Variants in MTO1 observed in about 807,000 individuals in gnomAD.
MTO1 encodes mitochondrial tRNA translation optimization 1, also known as 5-taurinomethyluridine-[tRNA] synthase subunit MTO1, mitochondrial.
A neutral mutation model predicts 71.6 loss-of-function variants in MTO1; 46 were observed. The observed-to-expected ratio is 0.64, with a 90% CI of 0.51 to 0.82. MTO1 has a LOEUF of 0.82. Ranked by LOEUF, MTO1 falls within the 40% of genes least tolerant of loss-of-function variation. The pLI is 0.00. For missense variants in MTO1, 773 were observed against 867.5 expected, an observed-to-expected ratio of 0.89 and a Z score of 1.37; for synonymous variants, 297 against 312.1, an observed-to-expected ratio of 0.95 and a Z score of 0.51.
Position 73,482,035 on chromosome 6 carries a change from T to G in MTO1, c.1261-5T>G, listed in dbSNP as rs1275100093. On this transcript the variant is annotated splice_region_variant and splice_polypyrimidine_tract_variant and intron_variant, in intron 7 of 11. Coordinates refer to ENST00000498286, the MANE Select transcript of MTO1 (RefSeq NM_012123.4). ...GGCCTTTTAAACATTTCAGTGCTCT[T>G]GTAGGGTGTGATAGCCGGAATCAAC... is the stretch of plus-strand genomic sequence containing the variant. 4 of 1,614,022 alleles carry G rather than the reference T, an allele frequency of 2.5e-6. No individual in the cohort carries two copies. Among genetic ancestry groups the G allele is most frequent in the Non-Finnish European group, 3.4e-6 (4 of 1,180,024 alleles).
intron 4 of MTO1, among the ~76,000 whole-genome samples, chr6:73,478,244 CAA>C (rs34143098): frequency 5.9e-4 from 60 of 100,870 alleles, no homozygotes; most frequent in South Asian, 9.6e-4. Context: ...GACTCTGTCT[CAA>C]AAAAAAAAAA....
rs1772153932 is a variant in MTO1 at position 73,501,323 on chromosome 6, A to G, written c.*588A>G. ...TTTTGAACATTAATGAAAGCCCTAT[A>G]AAATAGAAAGATTGGAAATCACCAT... On this transcript the variant is annotated 3_prime_UTR_variant, in exon 12 of 12. Coordinates refer to ENST00000498286, the MANE Select transcript of MTO1 (RefSeq NM_012123.4). 2.0e-5 allele frequency: 3 copies of G among 152,228 alleles called. No individual in the cohort carries two copies. The highest frequency in any genetic ancestry group is 2.0e-4 in the Admixed American group (3 of 15,270). The allele number at this position is 152,228 out of a possible 1,614,324, so 9.4% of individuals were successfully genotyped here.
chr6:73,486,367 A>G (rs1771652915), intron 9 of MTO1, among the ~76,000 whole-genome samples: 1 of 152,184 alleles, frequency 6.6e-6, no homozygotes. Flanking sequence ...CCCATTAGAC[A>G]GTAACTCCCC....
rs141947029 is a variant in MTO1 at position 73,489,125 on chromosome 6, A to G, written c.1638-3109A>G. On this transcript the variant is annotated intron_variant, in intron 9 of 11. Coordinates refer to ENST00000498286, the MANE Select transcript of MTO1 (RefSeq NM_012123.4). ...TATTGTGTTGATTTTTGTATATGAC[A>G]TAAGGTAAGGGTCCAACTTCATTCT... is the stretch of plus-strand genomic sequence containing the variant. 1.1e-3 allele frequency among the ~76,000 whole-genome samples: 173 copies of G among 152,290 alleles called. 2 individuals are homozygous for G. In the East Asian group the frequency reaches 0.019, roughly 16 times the overall value.
At chr6:73,474,089 G>T (rs975513193) in intron 4 of MTO1, among the ~76,000 whole-genome samples, 6 of 150,148 alleles carry the variant, frequency 4.0e-5, no homozygotes, top group South Asian at 2.1e-4. Flanking sequence ...CCCAGCCAAA[G>T]AAGTTATCCT....
chr6:73,464,996 A>G (rs1300206994), intron 1 of MTO1, among the ~76,000 whole-genome samples: 1 of 152,100 alleles, frequency 6.6e-6, no homozygotes, highest in African/African-American at 2.4e-5. Context: ...GACTGGGTAA[A>G]TGTAAGGGAA....
chr6:73,462,277 T>A, intron 1 of MTO1: 1 of 608,574 alleles, frequency 1.6e-6, no homozygotes, highest in Non-Finnish European at 2.9e-6. Context: ...AACCATAGAT[T>A]ATGCTGCTGC....
rs191685291 is a variant in MTO1, at chr6:73,487,411, C to G, written c.1637+4791C>G. 3.3e-5 allele frequency among the ~76,000 whole-genome samples: 5 copies of G among 151,642 alleles called. No individual in the cohort carries two copies. The South Asian group carries it at 1.0e-3, about 32-fold the overall frequency. ...TTCACCATGTTGGCTAGGCTGGTCTCGAACTCCTGACCACCTGCCTCGGCC... is the reference window on the plus strand; with the variant it reads ...TTCACCATGTTGGCTAGGCTGGTCTGGAACTCCTGACCACCTGCCTCGGCC... On this transcript the variant is annotated intron_variant, in intron 9 of 11. Coordinates refer to ENST00000498286, the MANE Select transcript of MTO1 (RefSeq NM_012123.4).
rs530096481 is a variant in MTO1 at position 73,507,804 on chromosome 6, C to A, written c.*7069C>A. ...CATCCTGGCTAACATGGTGAAACCC[C>A]GTGTCTACTAAAAATACGAAAAATT... On this transcript the variant is annotated 3_prime_UTR_variant, in exon 12 of 12. Transcript: ENST00000498286. The A allele has an allele frequency of 1.3e-5, 2 of 152,064 alleles. No homozygotes were observed. The highest frequency in any genetic ancestry group is 2.9e-5 in the Non-Finnish European group (2 of 68,042). The allele number at this position is 152,064 out of a possible 1,614,324, so 9.4% of individuals were successfully genotyped here.
At chr6:73,475,985 C>G (rs531021956) in intron 4 of MTO1, among the ~76,000 whole-genome samples, 1 of 152,074 alleles carries the variant, frequency 6.6e-6, no homozygotes, top group Admixed American at 6.6e-5. Context: ...ATGGAGAACC[C>G]GACACTGAAC....
rs368490663 is a variant in MTO1 at position 73,500,696 on chromosome 6, C to T, written c.2040C>T (p.Tyr680=). Residue 680 remains tyrosine (Y), a synonymous_variant, in exon 12 of 12, where the codon TAC becomes TAT. Transcript: ENST00000498286. ...AMNESSKTDQ[Y]LCDADRLQER... is the part of the protein sequence containing the mutation. The stretch of plus-strand genomic sequence containing the variant: ...ATGAATCATCCAAGACTGATCAATA[C>T]TTATGTGATGCAGACAGACTTCAAG... 2 of 1,607,918 alleles carry T rather than the reference C, an allele frequency of 1.2e-6. No homozygotes were observed.
Position 73,500,646 on chromosome 6 carries a change from A to G in MTO1, c.1990A>G (p.Thr664Ala). ...CAATCTGCTGAGATTTGTGAAGACCACTCAACGAAGACAGTCGGCTATGAA... is the reference window on the plus strand; with the variant it reads ...CAATCTGCTGAGATTTGTGAAGACCGCTCAACGAAGACAGTCGGCTATGAA... Reference protein sequence around the residue: ...IINLLRFVKTTQRRQSAMNES... With the variant: ...IINLLRFVKTAQRRQSAMNES... The change falls in exon 12 of 12, where the codon ACT becomes GCT. Residue 664 changes from threonine to alanine, a missense_variant. Physicochemically the swap from Thr to Ala is moderately conservative, Grantham distance 58 (BLOSUM62 0). Transcript: ENST00000498286. 4 of 1,613,940 alleles carry G rather than the reference A, an allele frequency of 2.5e-6. No homozygotes were observed. The highest frequency in any genetic ancestry group is 4.5e-5 in the East Asian group (2 of 44,862).
At chr6:73,489,295 ATTATT>A (rs1312541209) in intron 9 of MTO1, among the ~76,000 whole-genome samples, 4 of 122,278 alleles carry the variant, frequency 3.3e-5, no homozygotes, top group African/African-American at 6.2e-5. Context: ...TTTTTTGTAT[ATTATT>A]ATACTTTTAA....
intron 1 of MTO1, among the ~76,000 whole-genome samples, chr6:73,463,274 G>A (rs1302125117): frequency 6.6e-6 from 1 of 151,620 alleles, no homozygotes; most frequent in South Asian, 2.1e-4. Flanking sequence ...CTTGTGATCC[G>A]CCCGCCTCGG....
rs72961942 is a variant in MTO1, at chr6:73,504,283, C to T, written c.*3548C>T. The T allele has an allele frequency of 0.034, 5,154 of 152,272 alleles. 300 individuals are homozygous for T. The highest frequency in any genetic ancestry group is 0.15 in the Admixed American group (2,321 of 15,270). 9.4% of individuals were successfully genotyped at this position (152,272 alleles called of 1,614,324 possible). On this transcript the variant is annotated 3_prime_UTR_variant, in exon 12 of 12. Transcript: ENST00000498286. ...AGTAGCTGGGACTACAGGTGTGCAC[C>T]ACCATGCACGGCTAATTTTTAAGTT...
chr6:73,470,766 C>G (rs1771138641), intron 3 of MTO1, among the ~76,000 whole-genome samples: 1 of 152,064 alleles, frequency 6.6e-6, no homozygotes, highest in African/African-American at 2.4e-5. Context: ...CCAGTCTGGC[C>G]AACATGGCGA....
intron 3 of MTO1, chr6:73,471,540 G>A (rs1348192941): frequency 7.2e-6 from 3 of 414,332 alleles, no homozygotes; most frequent in African/African-American, 6.4e-5. Flanking sequence ...TCAGCCTCCT[G>A]TGTAGCTGGG....
Position 73,503,856 on chromosome 6 carries a change from T to C in MTO1, c.*3121T>C, listed in dbSNP as rs1157846545. The C allele has an allele frequency of 6.6e-6, 1 of 152,254 alleles. No individual in the cohort carries two copies. The highest frequency in any genetic ancestry group is 1.5e-5 in the Non-Finnish European group (1 of 68,042). 9.4% of individuals were successfully genotyped at this position (152,254 alleles called of 1,614,324 possible). ...GTTCCTTTATAGCCAAGAGCTTAAA[T>C]TTTGTTACTGATGGTTTTAAAAGTA... On this transcript the variant is annotated 3_prime_UTR_variant, in exon 12 of 12. Coordinates refer to ENST00000498286, the MANE Select transcript of MTO1 (RefSeq NM_012123.4).
In MTO1 at chr6:73,508,336, G is replaced by C. The variant is rs1442478696; in HGVS notation, c.*7601G>C. ...TCATTTTTAGTCTTTAATTATGTTG[G>C]TTGCTTTTAGAATTCTCTTTTAGAG... On this transcript the variant is annotated 3_prime_UTR_variant, in exon 12 of 12. Coordinates refer to ENST00000498286, the MANE Select transcript of MTO1 (RefSeq NM_012123.4). 1 of 151,912 alleles carries C rather than the reference G, an allele frequency of 6.6e-6. No individual in the cohort carries two copies. Among genetic ancestry groups the C allele is most frequent in the East Asian group, 1.9e-4 (1 of 5,190 alleles). 9.4% of individuals were successfully genotyped at this position (151,912 alleles called of 1,614,324 possible). A position where few individuals can be genotyped will look rare whatever the true frequency, so the allele number is the denominator to read the frequency against.
Sources: gnomAD v4.1 joint callset for allele counts (sites outside exome capture counted in the v4.1 genomes callset) on GRCh38, gnomAD v4.1.1 for gene constraint, MANE v1.5 for transcripts, NCBI Gene and HGNC (gene_info 2026-07-23, HGNC 2026-07-21) for gene names.